Variants in BCAS3 observed in about 807,000 individuals in gnomAD.
The protein encoded by BCAS3 is BCAS3 microtubule associated cell migration factor.
Under a neutral mutation model 116.1 loss-of-function variants are expected in BCAS3, and 53 were observed. The ratio of observed to expected loss-of-function variants is 0.46; its 90% CI spans 0.37 to 0.57. The LOEUF (loss-of-function observed/expected upper bound fraction) is 0.57. Among genes scored for constraint, BCAS3 ranks in the 20% least tolerant of loss-of-function variants. The pLI is 0.00. For missense variants in BCAS3, 917 were observed against 1,165.4 expected, an observed-to-expected ratio of 0.79 and a Z score of 3.10; for synonymous variants, 391 against 408.2, an observed-to-expected ratio of 0.96 and a Z score of 0.51.
chr17:60,792,523 A>C (rs967535329), intron 6 of BCAS3, among the ~76,000 whole-genome samples: 3 of 152,214 alleles, frequency 2.0e-5, no homozygotes. Flanking sequence ...CAGCAGTGCT[A>C]CTGGCCACAG....
At chr17:60,890,287 C>A (rs2057050435) in intron 10 of BCAS3, among the ~76,000 whole-genome samples, 2 of 152,028 alleles carry the variant, frequency 1.3e-5, no homozygotes. Context: ...AACCCCGTCT[C>A]TACTAAAAAT....
chr17:61,078,606 T>C (rs2072249108), intron 21 of BCAS3, 77 bp downstream of exon 21: 1 of 1,301,262 alleles, frequency 7.7e-7, no homozygotes, highest in Non-Finnish European at 1.1e-6. Flanking sequence ...ATATGTAATA[T>C]TTAGGTTTCC....
chr17:61,330,663 C>T (rs997592069), intron 22 of BCAS3, among the ~76,000 whole-genome samples: 5 of 152,236 alleles, frequency 3.3e-5, no homozygotes, highest in Non-Finnish European at 1.5e-5. Flanking sequence ...TCCCCCTGCC[C>T]ATCTGGCTAT....
In BCAS3 at chr17:61,376,042, C is replaced by A. The variant is rs148636705; in HGVS notation, c.2593+7548C>A. On this transcript the variant is annotated intron_variant, in intron 23 of 23. Transcript: ENST00000407086. The surrounding 1 kb of genome is among the most constrained non-coding windows in gnomAD (Gnocchi z 4.5). ...GCATCCCACATATTTTTAAAATCTG[C>A]AATTTAGAGAGAACTTTATCCAGTC... 7.9e-5 allele frequency among the ~76,000 whole-genome samples: 12 copies of A among 152,244 alleles called. No individual in the cohort carries two copies. Among genetic ancestry groups the A allele is most frequent in the African/African-American group, 2.6e-4 (11 of 41,528 alleles).
chr17:61,349,325 C>A lies in BCAS3; in HGVS notation c.2426-19002C>A, dbSNP rs1321325343. ...CCCTAATACCCTCCAACCTAAAGTT[C>A]TTGAGAATCCCCATGATCATGAGCC... On this transcript the variant is annotated intron_variant, in intron 22 of 23. Transcript: ENST00000407086. The surrounding 1 kb of genome is among the most constrained non-coding windows in gnomAD (Gnocchi z 4.7). 1.3e-5 allele frequency among the ~76,000 whole-genome samples: 2 copies of A among 152,188 alleles called. No homozygotes were observed. Among genetic ancestry groups the A allele is most frequent in the Non-Finnish European group, 2.9e-5 (2 of 68,030 alleles).
intron 13 of BCAS3, among the ~76,000 whole-genome samples, chr17:60,928,447 T>C (rs1302277674): frequency 6.6e-6 from 1 of 152,252 alleles, no homozygotes; most frequent in African/African-American, 2.4e-5. Flanking sequence ...CAGATATGTT[T>C]TTCAATGTGT....
intron 15 of BCAS3, among the ~76,000 whole-genome samples, chr17:61,011,612 A>G (rs891529584): frequency 2.6e-5 from 4 of 152,036 alleles, no homozygotes; most frequent in African/African-American, 9.7e-5. Flanking sequence ...TATTTCCTTC[A>G]TTCATTCAGC....
rs1424159465 is a variant in BCAS3, at chr17:61,141,729, C to A, written c.2425+57165C>A. Among the ~76,000 whole-genome samples the A allele has an allele frequency of 6.6e-6, 1 of 151,702 alleles. No individual in the cohort carries two copies. Among genetic ancestry groups the A allele is most frequent in the Non-Finnish European group, 1.5e-5 (1 of 67,940 alleles). On this transcript the variant is annotated intron_variant, in intron 22 of 23. Coordinates refer to ENST00000407086, the MANE Select transcript of BCAS3 (RefSeq NM_017679.5). This position sits in a 1 kb window ranked among gnomAD's most constrained non-coding sequence, Gnocchi z 4.3. ...CATCCCGGCCAACATGATGAAACCCCACCTCTACTAAAAATACAAAAATTA... is the reference window on the plus strand; with the variant it reads ...CATCCCGGCCAACATGATGAAACCCAACCTCTACTAAAAATACAAAAATTA...
intron 22 of BCAS3, among the ~76,000 whole-genome samples, chr17:61,318,358 C>T (rs1397349009): frequency 6.6e-6 from 1 of 152,204 alleles, no homozygotes; most frequent in African/African-American, 2.4e-5. Context: ...TCTGCAGTGT[C>T]CTGTCTGCAC....
intron 3 of BCAS3, among the ~76,000 whole-genome samples, chr17:60,684,979 A>T (rs2033806403): frequency 6.6e-6 from 1 of 152,204 alleles, no homozygotes; most frequent in South Asian, 2.1e-4. Flanking sequence ...ATTCAGTTGG[A>T]GGACATCAAA....
intron 21 of BCAS3, among the ~76,000 whole-genome samples, chr17:61,081,743 C>G (rs552873407): frequency 1.7e-4 from 26 of 152,270 alleles, no homozygotes; most frequent in Non-Finnish European, 3.7e-4. Flanking sequence ...CACCCGGCAT[C>G]CAATTAGAAA....
At chr17:60,781,294 C>G (rs540168681) in intron 6 of BCAS3, among the ~76,000 whole-genome samples, 2 of 150,570 alleles carry the variant, frequency 1.3e-5, no homozygotes, top group East Asian at 3.9e-4. Context: ...TTTTTGCCAT[C>G]TTTCTCAAAG....
chr17:60,783,833 G>T (rs1227689139), intron 6 of BCAS3, among the ~76,000 whole-genome samples: 1 of 152,090 alleles, frequency 6.6e-6, no homozygotes, highest in African/African-American at 2.4e-5. Context: ...ATGAGATAAT[G>T]CTACAGGTTT....
At chr17:60,763,931 G>A (rs1598538872) in intron 6 of BCAS3, among the ~76,000 whole-genome samples, 1 of 152,124 alleles carries the variant, frequency 6.6e-6, no homozygotes, top group South Asian at 2.1e-4. Flanking sequence ...TTGGGAGGGT[G>A]TATGTGTCCA....
At chr17:60,791,243 C>T (rs193202489) in intron 6 of BCAS3, among the ~76,000 whole-genome samples, 1 of 152,326 alleles carries the variant, frequency 6.6e-6, no homozygotes, top group African/African-American at 2.4e-5. Context: ...ATTATAATCA[C>T]AGTTAAAAAG....
Position 61,305,871 on chromosome 17 carries a change from G to T in BCAS3, c.2426-62456G>T, listed in dbSNP as rs1006471031. ...AGATCATGCCACTGCACTCCAGCCT[G>T]GGCAACAGAGCAAGACTCCATCTCA... On this transcript the variant is annotated intron_variant, in intron 22 of 23. Coordinates refer to ENST00000407086, the MANE Select transcript of BCAS3 (RefSeq NM_017679.5). Among the ~76,000 whole-genome samples, 3 of 152,204 alleles carry T rather than the reference G, an allele frequency of 2.0e-5. No homozygotes were observed. In the South Asian group the frequency reaches 6.2e-4, roughly 31 times the overall value.
Position 61,037,262 on chromosome 17 carries a change from TATC to T in BCAS3, c.1763-624_1763-622del, listed in dbSNP as rs1364654809. ...CCTTTTCAGTTAGTCCATTTCCTGA[TATC>T]ATTCATTTTTCATAATGTGGGACAA... On this transcript the variant is annotated intron_variant, in intron 17 of 23. Coordinates refer to ENST00000407086, the MANE Select transcript of BCAS3 (RefSeq NM_017679.5). This position sits in a 1 kb window ranked among gnomAD's most constrained non-coding sequence, Gnocchi z 4.7. Among the ~76,000 whole-genome samples, 1 of 152,220 alleles carries T rather than the reference TATC, an allele frequency of 6.6e-6. No individual in the cohort carries two copies. The highest frequency in any genetic ancestry group is 1.9e-4 in the East Asian group (1 of 5,200).
intron 19 of BCAS3, among the ~76,000 whole-genome samples, chr17:61,067,512 A>T (rs1160612101): frequency 6.7e-6 from 1 of 149,482 alleles, no homozygotes; most frequent in African/African-American, 2.4e-5. Context: ...AGGTCAAAAG[A>T]TCGAGACCAT....
At position 60,802,689 on chromosome 17, in the gene BCAS3, C is replaced by T. The variant is rs556534177; in HGVS notation, c.404-5315C>T. Among the ~76,000 whole-genome samples the T allele has an allele frequency of 2.0e-3, 300 of 152,114 alleles. 1 individual carries two copies. Among genetic ancestry groups the T allele is most frequent in the Non-Finnish European group, 3.3e-3 (226 of 68,002 alleles). On this transcript the variant is annotated intron_variant, in intron 6 of 23. Coordinates refer to ENST00000407086, the MANE Select transcript of BCAS3 (RefSeq NM_017679.5). ...GGAGTTTCACTCTTGTTGCCCAGGC[C>T]GGAGTGCAATGGTGCCGTCTGGGCT...
Sources: allele counts gnomAD v4.1 joint callset (sites outside exome capture counted in the v4.1 genomes callset), GRCh38; gene constraint gnomAD v4.1.1; non-coding constraint Gnocchi (gnomAD v3.1); transcripts MANE v1.5; gene names NCBI Gene and HGNC (gene_info 2026-07-23, HGNC 2026-07-21).